The following SEC24B variants were observed in gnomAD, a reference collection of about 807,000 sequenced individuals.
SEC24B encodes SEC24 homolog B, COPII component, also known as protein transport protein Sec24B.
In SEC24B, 45 loss-of-function variants were observed where a neutral mutation model predicts 142.8. The observed-to-expected ratio is 0.32, with a 90% CI of 0.25 to 0.40. The LOEUF is 0.40. SEC24B is among the 10% of genes least tolerant of loss of function. SEC24B has a pLI of 1.00. For missense variants in SEC24B, 1,409 were observed against 1,526.8 expected (o/e 0.92, Z 1.29); for synonymous variants, 574 against 568.2 (o/e 1.01, Z -0.15).
chr4:109,437,328 A>T (rs951597046), intron 1 of SEC24B, among the ~76,000 whole-genome samples: 1 of 152,220 alleles, frequency 6.6e-6, no homozygotes, highest in Non-Finnish European at 1.5e-5. Flanking sequence ...TCTGCCACCC[A>T]GGCTGGAGTC....
chr4:109,463,105 C>T lies in SEC24B; in HGVS notation c.338C>T (p.Ala113Val), dbSNP rs890941849. The T allele has an allele frequency of 6.2e-7, 1 of 1,614,174 alleles. No homozygotes were observed. Among genetic ancestry groups the T allele is most frequent in the Non-Finnish European group, 8.5e-7 (1 of 1,180,004 alleles). ...AACACAGTGAACCAGCAACCAGGAGCACAGCAGTTGTACAGCAGGGGTCCT... is the reference window on the plus strand; with the variant it reads ...AACACAGTGAACCAGCAACCAGGAGTACAGCAGTTGTACAGCAGGGGTCCT... ...TPNTVNQQPG[A>V]QQLYSRGPPA... is the part of the protein sequence containing the mutation. Residue 113 changes from alanine (A) to valine (V), a missense_variant, in exon 2 of 24, where the codon GCA becomes GTA. This residue lies in a region of SEC24B where 709 missense variants were observed against 673.5 expected (regional missense o/e 1.05). Coordinates refer to ENST00000265175, the MANE Select transcript of SEC24B (RefSeq NM_006323.5).
intron 11 of SEC24B, among the ~76,000 whole-genome samples, chr4:109,520,057 G>A (rs1442675528): frequency 6.6e-6 from 1 of 152,156 alleles, no homozygotes; most frequent in East Asian, 1.9e-4. Context: ...TGGTTTTTGT[G>A]TAAAATTTTA....
intron 1 of SEC24B, among the ~76,000 whole-genome samples, chr4:109,449,716 C>G (rs751143033): frequency 2.2e-4 from 34 of 152,054 alleles, no homozygotes; most frequent in Non-Finnish European, 3.7e-4. Context: ...GTGGTCCTGC[C>G]TTCATGACCT....
chr4:109,493,230 C>A (rs1735199214), intron 5 of SEC24B, among the ~76,000 whole-genome samples: 1 of 151,550 alleles, frequency 6.6e-6, no homozygotes, highest in Admixed American at 6.6e-5. Flanking sequence ...AGCAGAATGT[C>A]TAGGAGTGTA....
intron 20 of SEC24B, 122 bp downstream of exon 20, chr4:109,531,644 G>A (rs988996086): frequency 6.0e-6 from 4 of 664,146 alleles, no homozygotes; most frequent in Non-Finnish European, 7.5e-6. Flanking sequence ...CCCCCTTGTG[G>A]TAGTAATACA....
chr4:109,462,400 G>C (rs1026283410), intron 1 of SEC24B, among the ~76,000 whole-genome samples: 1 of 152,144 alleles, frequency 6.6e-6, no homozygotes, highest in Non-Finnish European at 1.5e-5. Context: ...CCTGTTGGCT[G>C]GGCTATAGTT....
chr4:109,535,159 A>G (rs1725380233), intron 22 of SEC24B, among the ~76,000 whole-genome samples: 1 of 152,202 alleles, frequency 6.6e-6, no homozygotes, highest in African/African-American at 2.4e-5. Flanking sequence ...TCTCTTGGGC[A>G]TATTCCTAGG....
At chr4:109,509,096 G>T (rs1226803427) in intron 7 of SEC24B, among the ~76,000 whole-genome samples, 3 of 152,166 alleles carry the variant, frequency 2.0e-5, no homozygotes, top group African/African-American at 7.2e-5. Flanking sequence ...TTTACCCAAA[G>T]ACTTTTAACA....
chr4:109,504,027 G>C (rs1736440175), intron 6 of SEC24B, among the ~76,000 whole-genome samples: 2 of 151,842 alleles, frequency 1.3e-5, no homozygotes, highest in African/African-American at 4.8e-5. Flanking sequence ...ATTTTTTACA[G>C]CTCTACAGAA....
chr4:109,460,739 G>A (rs1731168288), intron 1 of SEC24B, among the ~76,000 whole-genome samples: 1 of 151,142 alleles, frequency 6.6e-6, no homozygotes, highest in African/African-American at 2.4e-5. Context: ...ATTTAGAACA[G>A]TGAATGGCAT....
At chr4:109,476,146 C>G (rs955361732) in intron 3 of SEC24B, among the ~76,000 whole-genome samples, 8 of 151,980 alleles carry the variant, frequency 5.3e-5, no homozygotes, top group Admixed American at 2.6e-4. Flanking sequence ...GCCAACATGC[C>G]CAGCTAATTT....
At chr4:109,538,224 C>T (rs941987799) in intron 22 of SEC24B, among the ~76,000 whole-genome samples, 21 of 152,132 alleles carry the variant, frequency 1.4e-4, no homozygotes, top group Non-Finnish European at 1.9e-4. Flanking sequence ...ACATGCTAAT[C>T]GTTGTTTATG....
intron 8 of SEC24B, 134 bp downstream of exon 8, chr4:109,510,245 C>A: frequency 6.5e-6 from 3 of 463,712 alleles, no homozygotes; most frequent in Non-Finnish European, 7.3e-6. Context: ...TCCATAACAA[C>A]TTGGCAAACA....
intron 1 of SEC24B, among the ~76,000 whole-genome samples, chr4:109,458,003 T>C (rs1033099882): frequency 6.6e-6 from 1 of 152,192 alleles, no homozygotes; most frequent in African/African-American, 2.4e-5. Context: ...GGCCACTCTT[T>C]AGCCCACTAC....
rs1268966972 is a variant in SEC24B, at chr4:109,506,481, G to T, written c.1642G>T (p.Ala548Ser). The T allele has an allele frequency of 6.3e-7, 1 of 1,583,394 alleles. No homozygotes were observed. Among genetic ancestry groups the T allele is most frequent in the Non-Finnish European group, 8.6e-7 (1 of 1,166,994 alleles). ...TTGGGCTCCTGTACCTAACTTGAATGCAGACCTCAAAAAATTAAACTGTAG... is the reference window on the plus strand; with the variant it reads ...TTGGGCTCCTGTACCTAACTTGAATTCAGACCTCAAAAAATTAAACTGTAG... ...PVWAPVPNLN[A>S]DLKKLNCSPD... is the part of the protein sequence containing the mutation. Residue 548 changes from alanine (A) to serine (S), a missense_variant, in exon 7 of 24, where the codon GCA (alanine) becomes TCA (serine). Physicochemically the swap from Ala to Ser is moderately conservative, Grantham distance 99. Coordinates refer to ENST00000265175, the MANE Select transcript of SEC24B (RefSeq NM_006323.5).
rs1210989921 is a variant in SEC24B, at chr4:109,540,828, G to A, written c.*1153G>A. The A allele has an allele frequency of 6.6e-6, 1 of 151,720 alleles. No individual in the cohort carries two copies. Among genetic ancestry groups the A allele is most frequent in the African/African-American group, 2.4e-5 (1 of 41,256 alleles). 9.4% of individuals were successfully genotyped at this position (151,720 alleles called of 1,614,324 possible). A position where few individuals can be genotyped will look rare whatever the true frequency, so the allele number is the denominator to read the frequency against. ...AACCTGGAGGCTGAGGTTGCAGTGA[G>A]CTAAGATCACGCCACTGCACTCCAG... On this transcript the variant is annotated 3_prime_UTR_variant, in exon 24 of 24. Coordinates refer to ENST00000265175, the MANE Select transcript of SEC24B (RefSeq NM_006323.5).
Position 109,505,039 on chromosome 4 carries a change from T to G in SEC24B, c.1489-1289T>G, listed in dbSNP as rs116155579. On this transcript the variant is annotated intron_variant, in intron 6 of 23. Coordinates refer to ENST00000265175, the MANE Select transcript of SEC24B (RefSeq NM_006323.5). ...ATATAAATAGAAACAATGGAAGGAT[T>G]AAACTATAAGCTAATAAAAATAGTT... 8.7e-3 allele frequency among the ~76,000 whole-genome samples: 1,322 copies of G among 152,174 alleles called. 24 individuals carry two copies. Among genetic ancestry groups the G allele is most frequent in the African/African-American group, 0.03 (1,262 of 41,550 alleles).
At chr4:109,509,981 T>C (rs372360995) in intron 7 of SEC24B, 28 bp from the exon 8 acceptor site, 19 of 1,379,668 alleles carry the variant, frequency 1.4e-5, no homozygotes, top group Non-Finnish European at 1.8e-5. Context: ...ATAGCTAATA[T>C]CCTCCATGTT....
intron 3 of SEC24B, among the ~76,000 whole-genome samples, chr4:109,474,315 A>G (rs1300817310): frequency 2.0e-5 from 3 of 152,084 alleles, no homozygotes; most frequent in Non-Finnish European, 4.4e-5. Context: ...AACTAAATGA[A>G]TGGTGTCTTT....
Sources: allele counts gnomAD v4.1 joint callset (sites outside exome capture counted in the v4.1 genomes callset), GRCh38; gene constraint gnomAD v4.1.1; regional missense constraint gnomAD v4.1.1; transcripts MANE v1.5; gene names NCBI Gene and HGNC (gene_info 2026-07-23, HGNC 2026-07-21).